The following NEDD9 variants were observed in gnomAD, a reference collection of about 807,000 sequenced individuals.
NEDD9 encodes the protein neural precursor cell expressed, developmentally down-regulated 9.
NEDD9 carries 26 observed loss-of-function variants against 76.6 expected under a neutral mutation model. The ratio of observed to expected loss-of-function variants is 0.34; its 90% CI spans 0.25 to 0.47. The LOEUF is 0.47. Among genes scored for constraint, NEDD9 ranks in the 20% least tolerant of loss-of-function variants. NEDD9 has a pLI of 1.00. For missense variants in NEDD9, 937 were observed against 1,058.5 expected (o/e 0.89, Z 1.59); for synonymous variants, 392 against 414.2 (o/e 0.95, Z 0.65).
chr6:11,305,321 G>A (rs75208573), intron 3 of NEDD9: 2 of 378,518 alleles, frequency 5.3e-6, no homozygotes, highest in African/African-American at 4.2e-5. Flanking sequence ...AAAGGGTCAG[G>A]TCACTGGCTC....
chr6:11,379,367 C>T (rs2113581897), intron 1 of NEDD9, among the ~76,000 whole-genome samples: 2 of 152,234 alleles, frequency 1.3e-5, no homozygotes, highest in Non-Finnish European at 2.9e-5. Flanking sequence ...GTGGGCGGGT[C>T]ACCTGAGGTC....
At position 11,213,471 on chromosome 6, in the gene NEDD9, T is replaced by G. The variant is rs773904756; in HGVS notation, c.269A>C (p.Lys90Thr). 6.2e-6 allele frequency: 10 copies of G among 1,614,016 alleles called. No individual in the cohort carries two copies. Among genetic ancestry groups the G allele is most frequent in the Non-Finnish European group, 8.5e-6 (10 of 1,180,042 alleles). The change falls in exon 2 of 7, where the codon AAG becomes ACG. Residue 90 changes from lysine to threonine, a missense_variant. Transcript: ENST00000379446. This position sits in a 1 kb window ranked among gnomAD's most constrained non-coding sequence, Gnocchi z 5.4. ...CTGTGGGTTTGGCACTTGATAGAGC[T>G]TCTGTTGGCCAAAGGTCTGCTGCAT... ...GLMQQTFGQQKLYQVPNPQAA... is the reference protein window; with the variant it reads ...GLMQQTFGQQTLYQVPNPQAA...
chr6:11,327,483 A>G (rs7741482), intron 2 of NEDD9, among the ~76,000 whole-genome samples: 34,099 of 152,214 alleles, frequency 0.22, 4,731 homozygotes, highest in East Asian at 0.64. Flanking sequence ...TTAGAAAATG[A>G]TAATAGCTTT....
At chr6:11,328,936 A>T (rs147282109) in intron 2 of NEDD9, 12 of 152,374 alleles carry the variant, frequency 7.9e-5, no homozygotes, top group Non-Finnish European at 1.8e-4. Context: ...ACATTTCAGA[A>T]TTCAGTTGTC....
intron 2 of NEDD9, among the ~76,000 whole-genome samples, chr6:11,323,180 G>GAT (rs1446557945): frequency 1.3e-5 from 2 of 152,184 alleles, no homozygotes; most frequent in Non-Finnish European, 2.9e-5. Flanking sequence ...TAGGCCTCAG[G>GAT]ATATATATAT....
At chr6:11,233,662 A>G, upstream of NEDD9, among the ~76,000 whole-genome samples, 1 of 152,214 alleles carries the variant, frequency 6.6e-6, no homozygotes, top group South Asian at 2.1e-4. Context: ...ACAGAACATA[A>G]TTTCTATAAA....
intron 3 of NEDD9, among the ~76,000 whole-genome samples, chr6:11,240,710 C>G (rs116613867): frequency 1.3e-5 from 2 of 152,092 alleles, no homozygotes; most frequent in Admixed American, 6.5e-5. Context: ...TAAATTCACT[C>G]GACTCTAGTG....
At chr6:11,338,876 T>G (rs1762217369) in intron 1 of NEDD9, among the ~76,000 whole-genome samples, 1 of 150,566 alleles carries the variant, frequency 6.6e-6, no homozygotes, top group South Asian at 2.1e-4. Context: ...GAGCAGAGAT[T>G]GTGCCACTGT....
intron 1 of NEDD9, among the ~76,000 whole-genome samples, chr6:11,369,643 C>T (rs1425971244): frequency 6.6e-6 from 1 of 152,166 alleles, no homozygotes; most frequent in Admixed American, 6.5e-5. Context: ...AAACCCAATC[C>T]CAAAACATTT....
At position 11,367,313 on chromosome 6, in the gene NEDD9, A is replaced by G. The variant is rs569343131; in HGVS notation, c.-214+14826T>C. 6.6e-5 allele frequency among the ~76,000 whole-genome samples: 10 copies of G among 152,366 alleles called. No individual in the cohort carries two copies. The East Asian group carries it at 1.7e-3, about 26-fold the overall frequency. On this transcript the variant is annotated intron_variant, in intron 1 of 3. Coordinates refer to the NEDD9 transcript ENST00000397378. ...AAAGCTTACCGATGGCTGGATGAGA[A>G]TAACATTCCTTTCTATTGTGATCAT... is the stretch of plus-strand genomic sequence containing the variant.
At chr6:11,333,312 G>A (rs1762087761) in intron 2 of NEDD9, among the ~76,000 whole-genome samples, 1 of 152,204 alleles carries the variant, frequency 6.6e-6, no homozygotes, top group Non-Finnish European at 1.5e-5. Flanking sequence ...AGGAGCGTAG[G>A]AGAGTTGTGT....
upstream of NEDD9, chr6:11,233,260 G>C (rs761460830): frequency 3.9e-6 from 2 of 518,964 alleles, no homozygotes; most frequent in South Asian, 2.8e-5. Flanking sequence ...ATGTCAGTCT[G>C]CAAGGAGCTG....
intron 3 of NEDD9, among the ~76,000 whole-genome samples, chr6:11,285,781 T>C (rs1760635109): frequency 6.6e-6 from 1 of 152,220 alleles, no homozygotes; most frequent in African/African-American, 2.4e-5. Flanking sequence ...TTTCAACAAA[T>C]GGTGCTAGTA....
chr6:11,275,247 G>A (rs1417139482), intron 3 of NEDD9, among the ~76,000 whole-genome samples: 3 of 152,164 alleles, frequency 2.0e-5, no homozygotes, highest in Non-Finnish European at 4.4e-5. Flanking sequence ...GCTAAGGTTG[G>A]GGAGAGGAGG....
chr6:11,318,554 G>T (rs554577723), intron 2 of NEDD9, among the ~76,000 whole-genome samples: 5 of 152,248 alleles, frequency 3.3e-5, no homozygotes, highest in Middle Eastern at 3.4e-3. Flanking sequence ...TAGAAACAAG[G>T]CTTCCTAGCT....
chr6:11,217,510 TCCAAAGGCTG>T (rs1758989281), intron 1 of NEDD9, among the ~76,000 whole-genome samples: 1 of 152,172 alleles, frequency 6.6e-6, no homozygotes, highest in Non-Finnish European at 1.5e-5. Flanking sequence ...ATGGTTAGTC[TCCAAAGGCTG>T]GCAGTTAGCA....
intron 3 of NEDD9, among the ~76,000 whole-genome samples, chr6:11,276,314 A>G (rs1760415423): frequency 6.6e-6 from 1 of 152,194 alleles, no homozygotes; most frequent in Admixed American, 6.5e-5. Context: ...ATTCTATGCT[A>G]GCCTGCATTA....
rs72827179 is a variant in NEDD9 at position 11,271,503 on chromosome 6, G to A, written c.12+34489C>T. 8.4e-3 allele frequency: 1,287 copies of A among 152,358 alleles called. 9 individuals are homozygous for A. The highest frequency in any genetic ancestry group is 0.019 in the South Asian group (91 of 4,830). The allele number at this position is 152,358 out of a possible 1,614,324, so 9.4% of individuals were successfully genotyped here. A position where few individuals can be genotyped will look rare whatever the true frequency, so the allele number is the denominator to read the frequency against. On this transcript the variant is annotated intron_variant, in intron 3 of 3. Transcript: ENST00000397378. The stretch of plus-strand genomic sequence containing the variant: ...AATCTGAGCTCTTGCACTTCTTGGA[G>A]GGCAACTTTCCAGCAAGAGAAGGGC...
chr6:11,210,450 T>G (rs1265485870), intron 2 of NEDD9, among the ~76,000 whole-genome samples: 1 of 151,960 alleles, frequency 6.6e-6, no homozygotes, highest in African/African-American at 2.4e-5. Context: ...AGATGAAAAA[T>G]TTAAAGAGAA....
Sources: gnomAD v4.1 joint callset for allele counts (sites outside exome capture counted in the v4.1 genomes callset) on GRCh38, gnomAD v4.1.1 for gene constraint, Gnocchi (gnomAD v3.1) non-coding constraint, MANE v1.5 for transcripts, NCBI Gene and HGNC (gene_info 2026-07-23, HGNC 2026-07-21) for gene names.